ANTXR1: variants seen among roughly 807,000 people sequenced by gnomAD.
The protein encoded by ANTXR1 is ANTXR cell adhesion molecule 1, also known as anthrax toxin receptor 1.
Under a neutral mutation model 78.1 loss-of-function variants are expected in ANTXR1, and 19 were observed. That is an observed-to-expected ratio of 0.24 (90% CI 0.17 to 0.36). ANTXR1 has a LOEUF of 0.36. Ranked by LOEUF, ANTXR1 falls within the 10% of genes least tolerant of loss-of-function variation. The pLI, the probability that ANTXR1 is intolerant of heterozygous loss-of-function variation, is 1.00. For missense variants in ANTXR1, 518 were observed against 718.6 expected (o/e 0.72, Z 3.19); for synonymous variants, 273 against 260.5 (o/e 1.05, Z -0.46).
At chr2:69,097,077 CCT>C (rs1671454453) in intron 9 of ANTXR1, among the ~76,000 whole-genome samples, 1 of 152,198 alleles carries the variant, frequency 6.6e-6, no homozygotes, top group African/African-American at 2.4e-5. Flanking sequence ...TGCAGATTAG[CCT>C]CTGTTTAATT....
At chr2:69,213,782 T>A (rs1449963888) in intron 17 of ANTXR1, among the ~76,000 whole-genome samples, 1 of 152,228 alleles carries the variant, frequency 6.6e-6, no homozygotes, top group Non-Finnish European at 1.5e-5. Flanking sequence ...TAAGTCAGTC[T>A]CCCACATGTG....
At chr2:69,119,868 A>G (rs567748481) in intron 10 of ANTXR1, among the ~76,000 whole-genome samples, 1 of 152,358 alleles carries the variant, frequency 6.6e-6, no homozygotes, top group Non-Finnish European at 1.5e-5. Flanking sequence ...TGAAAGGAAT[A>G]ATACACCATC....
At chr2:69,154,545 C>G (rs919083677) in intron 13 of ANTXR1, among the ~76,000 whole-genome samples, 1 of 152,212 alleles carries the variant, frequency 6.6e-6, no homozygotes, top group African/African-American at 2.4e-5. Context: ...GGAAGTTTCT[C>G]TCCCGAGATA....
At chr2:69,225,547 G>C (rs1055003968) in intron 17 of ANTXR1, among the ~76,000 whole-genome samples, 1 of 152,042 alleles carries the variant, frequency 6.6e-6, no homozygotes, top group South Asian at 2.1e-4. Context: ...GGACATGTCC[G>C]GGGTGCAGAG....
intron 9 of ANTXR1, among the ~76,000 whole-genome samples, chr2:69,101,344 C>T (rs1230942749): frequency 1.3e-5 from 2 of 152,198 alleles, no homozygotes; most frequent in Admixed American, 1.3e-4. Context: ...AAGCTAATGG[C>T]TGAGTTCTAA....
intron 3 of ANTXR1, among the ~76,000 whole-genome samples, chr2:69,062,891 CAAAG>C (rs1670289431): frequency 6.6e-6 from 1 of 151,628 alleles, no homozygotes; most frequent in Non-Finnish European, 1.5e-5. Context: ...AAAGAAAACT[CAAAG>C]AAAGAACCAA....
intron 17 of ANTXR1, among the ~76,000 whole-genome samples, chr2:69,231,311 A>G (rs1675590923): frequency 6.6e-6 from 1 of 152,198 alleles, no homozygotes; most frequent in Admixed American, 6.5e-5. Context: ...CAGTTATCCC[A>G]TCTTTCTCCT....
chr2:69,169,009 G>A (rs963218881), intron 13 of ANTXR1, among the ~76,000 whole-genome samples: 4 of 152,250 alleles, frequency 2.6e-5, no homozygotes, highest in African/African-American at 9.6e-5. Context: ...CAGAGATGAC[G>A]TTATCAATAA....
At chr2:69,183,681 C>T (rs1316248154) in intron 16 of ANTXR1, among the ~76,000 whole-genome samples, 1 of 147,102 alleles carries the variant, frequency 6.8e-6, no homozygotes. Context: ...TCCCAAAGTG[C>T]TAAGATTACA....
chr2:69,172,295 C>A, intron 14 of ANTXR1: 1 of 1,300,000 alleles, frequency 7.7e-7, no homozygotes, highest in Non-Finnish European at 1.1e-6. Context: ...TTGGCATGTG[C>A]TGATTGCCTT....
chr2:69,178,384 G>A (rs1482205224), intron 14 of ANTXR1, among the ~76,000 whole-genome samples: 1 of 152,250 alleles, frequency 6.6e-6, no homozygotes, highest in Non-Finnish European at 1.5e-5. Flanking sequence ...GCTCCGGTCA[G>A]GGGATTAAGC....
intron 16 of ANTXR1, among the ~76,000 whole-genome samples, chr2:69,188,863 C>T (rs756503879): frequency 2.0e-5 from 3 of 152,216 alleles, no homozygotes; most frequent in African/African-American, 4.8e-5. Context: ...TTCTATGGCA[C>T]ATCTAGCCCC....
rs1375997071 is a variant in ANTXR1 at position 69,186,077 on chromosome 2, G to GGGA, written c.1353+3417_1353+3418insGGA. ...TCCCCAGTAAACAGTGTTGTACCTG[G>GGGA]CTCATCCCTTATTAAAGAGCTGAGG... On this transcript the variant is annotated intron_variant, in intron 16 of 17. Coordinates refer to ENST00000303714, the MANE Select transcript of ANTXR1 (RefSeq NM_032208.3). Among the ~76,000 whole-genome samples the GGGA allele has an allele frequency of 7.3e-3, 1,110 of 152,178 alleles. 12 individuals carry two copies. Among genetic ancestry groups the GGGA allele is most frequent in the African/African-American group, 0.025 (1,052 of 41,494 alleles).
At position 69,182,623 on chromosome 2, in the gene ANTXR1, G is replaced by A. The variant is rs149800589; in HGVS notation, c.1316G>A (p.Arg439Gln). The A allele has an allele frequency of 3.0e-5, 48 of 1,613,872 alleles. No homozygotes were observed. Among genetic ancestry groups the A allele is most frequent in the South Asian group, 5.5e-5 (5 of 91,062 alleles). Residue 439 changes from arginine (R) to glutamine (Q), a missense_variant, in exon 16 of 18, where the codon CGG (arginine) becomes CAG (glutamine). Physicochemically the swap from Arg to Gln is conservative, Grantham distance 43. This residue lies in a region of ANTXR1 where 192 missense variants were observed against 230.2 expected (regional missense o/e 0.83). Transcript: ENST00000303714. ...EPRNLNNNMR[R>Q]PSSPRKWYSP... ...CGAAATCTCAACAACAATATGCGTCGGCCTTCTTCCCCCCGGAAGTGGTAC... is the reference window on the plus strand; with the variant it reads ...CGAAATCTCAACAACAATATGCGTCAGCCTTCTTCCCCCCGGAAGTGGTAC...
rs1676001613 is a variant in ANTXR1 at position 69,245,485 on chromosome 2, G to C, written c.1695G>C (p.Ter565TyrextTer23). 1.2e-6 allele frequency: 2 copies of C among 1,611,812 alleles called. No individual in the cohort carries two copies. The highest frequency in any genetic ancestry group is 1.7e-6 in the Non-Finnish European group (2 of 1,179,292). The change falls in exon 18 of 18, where the codon TAG (stop) becomes TAC (tyrosine). Residue 565 changes from the stop codon to tyrosine (Y), a stop_lost. Coordinates refer to ENST00000303714, the MANE Select transcript of ANTXR1 (RefSeq NM_032208.3). ...GCCCTCCTCCAAGGCCTTCTGTCTA[G>C]AGCCCAAAGTTCCTGCTCTGGGCTC... is the stretch of plus-strand genomic sequence containing the variant. The part of the protein sequence containing the change: ...PSRPPPRPSV[*>Y]
chr2:69,206,362 T>C lies in ANTXR1; in HGVS notation c.1434+12947T>C, dbSNP rs867527842. Among the ~76,000 whole-genome samples, 7 of 152,330 alleles carry C rather than the reference T, an allele frequency of 4.6e-5. No individual in the cohort carries two copies. The Middle Eastern group carries it at 0.02, about 444-fold the overall frequency. On this transcript the variant is annotated intron_variant, in intron 17 of 17. Coordinates refer to ENST00000303714, the MANE Select transcript of ANTXR1 (RefSeq NM_032208.3). The stretch of plus-strand genomic sequence containing the variant: ...GTGAATTGTAATGGAAAACCCTAAA[T>C]GTCACAGAGTCTGGAAAATTGAAAT...
chr2:69,090,070 G>A (rs1671177364), intron 8 of ANTXR1, among the ~76,000 whole-genome samples: 1 of 152,084 alleles, frequency 6.6e-6, no homozygotes, highest in Non-Finnish European at 1.5e-5. Context: ...GTGGACAAGT[G>A]TACATTTCCA....
At chr2:69,170,212 G>T (rs1328678882) in intron 13 of ANTXR1, 36 bp from the exon 14 acceptor site, 1 of 1,613,722 alleles carries the variant, frequency 6.2e-7, no homozygotes, top group African/African-American at 1.3e-5. Context: ...GGTAGCCAGA[G>T]ATTTTTCACT....
chr2:69,207,501 A>G (rs1676758840), intron 17 of ANTXR1, among the ~76,000 whole-genome samples: 1 of 152,212 alleles, frequency 6.6e-6, no homozygotes, highest in Admixed American at 6.5e-5. Context: ...AGTTTCACGT[A>G]CAGTTTTACA....
Sources: gnomAD v4.1 joint callset for allele counts (sites outside exome capture counted in the v4.1 genomes callset) on GRCh38, gnomAD v4.1.1 for gene constraint, gnomAD v4.1.1 regional missense constraint, MANE v1.5 for transcripts, NCBI Gene and HGNC (gene_info 2026-07-23, HGNC 2026-07-21) for gene names.